The following PTPRD variants were observed in gnomAD, a reference collection of about 807,000 sequenced individuals.
PTPRD encodes the protein protein tyrosine phosphatase receptor type D.
Under a neutral mutation model 214.5 loss-of-function variants are expected in PTPRD, and 34 were observed. The observed-to-expected ratio is 0.16, with a 90% CI of 0.12 to 0.21. PTPRD has a LOEUF of 0.21. Among genes scored for constraint, PTPRD ranks in the 10% least tolerant of loss-of-function variants. The pLI is 1.00. For synonymous variants in PTPRD, 1,128 were observed against 845.7 expected, an observed-to-expected ratio of 1.33 and a Z score of -5.79; for missense variants, 2,545 against 2,398.7, an observed-to-expected ratio of 1.06 and a Z score of -1.27.
chr9:9,982,109 G>A (rs904982321), intron 4 of PTPRD, among the ~76,000 whole-genome samples: 9 of 152,250 alleles, frequency 5.9e-5, no homozygotes, highest in African/African-American at 1.4e-4. Flanking sequence ...TTCTTGAGCC[G>A]AACATATGGT....
At chr9:9,416,368 C>A (rs1310116132) in intron 8 of PTPRD, among the ~76,000 whole-genome samples, 1 of 152,196 alleles carries the variant, frequency 6.6e-6, no homozygotes, top group Admixed American at 6.5e-5. Context: ...CCAGCTCTCC[C>A]ACTTAATAGC....
chr9:10,526,648 T>C (rs1029818201), intron 2 of PTPRD, among the ~76,000 whole-genome samples: 3 of 152,106 alleles, frequency 2.0e-5, no homozygotes, highest in African/African-American at 7.2e-5. Flanking sequence ...ACTCCTGTTC[T>C]TTAATTTAAT....
chr9:8,808,536 T>C (rs1215016969), intron 11 of PTPRD, among the ~76,000 whole-genome samples: 1 of 136,244 alleles, frequency 7.3e-6, no homozygotes, highest in African/African-American at 2.8e-5. Flanking sequence ...TGCAAAACCA[T>C]AGTACACTAA....
At chr9:8,514,564 C>G (rs1253047171) in intron 21 of PTPRD, among the ~76,000 whole-genome samples, 1 of 146,816 alleles carries the variant, frequency 6.8e-6, no homozygotes, top group Non-Finnish European at 1.5e-5. Flanking sequence ...TTTTCATGTA[C>G]TTCTGCACTG....
intron 7 of PTPRD, among the ~76,000 whole-genome samples, chr9:9,620,428 C>T (rs1245620792): frequency 2.0e-5 from 3 of 152,052 alleles, no homozygotes; most frequent in Non-Finnish European, 2.9e-5. Flanking sequence ...GATTGTATTC[C>T]ATAACATTCT....
In PTPRD at chr9:9,370,917, T is replaced by C. The variant is rs1457646755; in HGVS notation, c.-203+26532A>G. Among the ~76,000 whole-genome samples, 10 of 152,290 alleles carry C rather than the reference T, an allele frequency of 6.6e-5. No homozygotes were observed. In the East Asian group the frequency reaches 1.5e-3, roughly 24 times the overall value. ...CTGTTTATATGCTGGATTACATTTA[T>C]TGATTTGCATATGTTGAACCAGCCT... On this transcript the variant is annotated intron_variant, in intron 9 of 45. Transcript: ENST00000381196.
At chr9:10,211,604 A>G (rs1020066369) in intron 3 of PTPRD, among the ~76,000 whole-genome samples, 28 of 152,172 alleles carry the variant, frequency 1.8e-4, no homozygotes, top group South Asian at 2.1e-4. Context: ...AACTCGTTAA[A>G]GATACAATGA....
At position 8,340,451 on chromosome 9, in the gene PTPRD, G is replaced by T. The variant is rs779384586; in HGVS notation, c.5145C>A (p.Ile1715=). The change falls in exon 42 of 46, where the codon ATC becomes ATA. Residue 1715 remains isoleucine (I), a synonymous_variant. Coordinates refer to ENST00000381196, the MANE Select transcript of PTPRD (RefSeq NM_002839.4). ...TCTCTGCCAAGGGCCCCTGGGTAGC[G>T]ATGTAGGCTTTCTGTTGTCTGAATT... ...IDGYRQQKAY[I]ATQGPLAETT... is the part of the protein sequence containing the mutation. 1.3e-6 allele frequency: 2 copies of T among 1,597,660 alleles called. No homozygotes were observed. Among genetic ancestry groups the T allele is most frequent in the Non-Finnish European group, 1.7e-6 (2 of 1,168,326 alleles).
At chr9:10,422,295 T>C (rs1010991362) in intron 2 of PTPRD, among the ~76,000 whole-genome samples, 8 of 151,946 alleles carry the variant, frequency 5.3e-5, no homozygotes, top group African/African-American at 1.9e-4. Context: ...TTGTAACTTA[T>C]ACAAAAATTA....
At chr9:9,240,379 A>T (rs6477379) in intron 9 of PTPRD, among the ~76,000 whole-genome samples, 1 of 151,954 alleles carries the variant, frequency 6.6e-6, no homozygotes, top group Admixed American at 6.6e-5. Flanking sequence ...ACAAACATAA[A>T]AATTCTTTCT....
chr9:8,717,106 AC>A lies in PTPRD; in HGVS notation c.64+16673del, dbSNP rs963788109. 9.9e-5 allele frequency among the ~76,000 whole-genome samples: 15 copies of A among 152,256 alleles called. 1 individual carries two copies. The highest frequency in any genetic ancestry group is 9.8e-4 in the Admixed American group (15 of 15,284). The stretch of plus-strand genomic sequence containing the variant: ...CCCAGAAGGCAGGGGTTGCACCTGT[AC>A]CCCATCCTGGGTGACAGAGTGTGTC... On this transcript the variant is annotated intron_variant, in intron 12 of 45. Coordinates refer to ENST00000381196, the MANE Select transcript of PTPRD (RefSeq NM_002839.4).
At chr9:8,483,704 G>T (rs1049253090) in intron 30 of PTPRD, among the ~76,000 whole-genome samples, 1 of 152,178 alleles carries the variant, frequency 6.6e-6, no homozygotes, top group Admixed American at 6.5e-5. Flanking sequence ...TCTTGAACCC[G>T]GGAGGTGGAG....
intron 35 of PTPRD, among the ~76,000 whole-genome samples, chr9:8,407,829 T>C (rs2093149701): frequency 6.6e-6 from 1 of 152,192 alleles, no homozygotes; most frequent in Admixed American, 6.5e-5. Context: ...TGTATCTATC[T>C]GTCTGACTGA....
At chr9:9,456,568 C>T (rs1307941391) in intron 8 of PTPRD, among the ~76,000 whole-genome samples, 1 of 151,788 alleles carries the variant, frequency 6.6e-6, no homozygotes, top group African/African-American at 2.4e-5. Context: ...ACTTATATGC[C>T]TCAAGGTCTC....
intron 9 of PTPRD, among the ~76,000 whole-genome samples, chr9:9,293,718 C>A (rs1013518233): frequency 6.6e-6 from 1 of 151,554 alleles, no homozygotes; most frequent in Non-Finnish European, 1.5e-5. Flanking sequence ...CGACTGCTGG[C>A]AATCAGAACA....
intron 8 of PTPRD, among the ~76,000 whole-genome samples, chr9:9,501,056 T>C (rs958176532): frequency 1.3e-5 from 2 of 151,668 alleles, no homozygotes; most frequent in African/African-American, 4.8e-5. Context: ...AGATATTCAA[T>C]TAACAAAACA....
intron 5 of PTPRD, among the ~76,000 whole-genome samples, chr9:9,931,578 G>A (rs1360782802): frequency 6.6e-6 from 1 of 152,126 alleles, no homozygotes; most frequent in Non-Finnish European, 1.5e-5. Context: ...AGGGTCCTAT[G>A]CCCACGGAGT....
chr9:9,310,413 A>G (rs1264934965), intron 9 of PTPRD, among the ~76,000 whole-genome samples: 1 of 152,022 alleles, frequency 6.6e-6, no homozygotes, highest in Non-Finnish European at 1.5e-5. Flanking sequence ...CTTGCTCCTT[A>G]CCCATTCTCT....
At chr9:9,960,041 G>A (rs2094242024) in intron 4 of PTPRD, among the ~76,000 whole-genome samples, 1 of 152,016 alleles carries the variant, frequency 6.6e-6, no homozygotes. Flanking sequence ...CCCTGATACT[G>A]GTTTCTAATA....
Sources: gnomAD v4.1 joint callset for allele counts (sites outside exome capture counted in the v4.1 genomes callset) on GRCh38, gnomAD v4.1.1 for gene constraint, MANE v1.5 for transcripts, NCBI Gene and HGNC (gene_info 2026-07-23, HGNC 2026-07-21) for gene names.